The following BMPR1B variants were observed in gnomAD, a reference collection of about 807,000 sequenced individuals.
The protein encoded by BMPR1B is bone morphogenetic protein receptor type 1B, also known as bone morphogenetic protein receptor type-1B.
BMPR1B carries 12 observed loss-of-function variants against 59.1 expected under a neutral mutation model. The observed-to-expected ratio is 0.20, with a 90% CI of 0.13 to 0.33. The LOEUF (loss-of-function observed/expected upper bound fraction) is 0.33, where lower values mean the gene tolerates loss of function less well. Ranked by LOEUF, BMPR1B falls within the 10% of genes least tolerant of loss-of-function variation. The probability of loss-of-function intolerance (pLI) is 1.00; values close to 1 mark genes in which losing one functional copy is unlikely to be tolerated. For missense variants in BMPR1B, 550 were observed against 610.9 expected, an observed-to-expected ratio of 0.90 and a Z score of 1.05; for synonymous variants, 237 against 207.3, an observed-to-expected ratio of 1.14 and a Z score of -1.23.
At position 95,156,627 on chromosome 4, in the gene BMPR1B, C is replaced by T. The variant is rs1735441482; in HGVS notation, c.*1954C>T. ...AGCTGCATTTTGTTTGTAACTAAGA[C>T]AGAAGAATTTCGTAATCCTTGAAAT... On this transcript the variant is annotated 3_prime_UTR_variant, in exon 13 of 13. Coordinates refer to ENST00000515059, the MANE Select transcript of BMPR1B (RefSeq NM_001203.3). The T allele has an allele frequency of 6.7e-6, 1 of 149,558 alleles. No individual in the cohort carries two copies. Among genetic ancestry groups the T allele is most frequent in the Non-Finnish European group, 1.5e-5 (1 of 67,450 alleles). 9.3% of individuals were successfully genotyped at this position (149,558 alleles called of 1,614,324 possible). A position where few individuals can be genotyped will look rare whatever the true frequency, so the allele number is the denominator to read the frequency against.
At chr4:94,970,254 CTCT>C (rs1730722590) in intron 2 of BMPR1B, among the ~76,000 whole-genome samples, 1 of 89,372 alleles carries the variant, frequency 1.1e-5, no homozygotes, top group East Asian at 3.2e-4. Flanking sequence ...CTCTTCTCTT[CTCT>C]TCTCTTCTCT....
At chr4:94,916,321 G>C (rs954621287) in intron 2 of BMPR1B, among the ~76,000 whole-genome samples, 1 of 152,200 alleles carries the variant, frequency 6.6e-6, no homozygotes, top group Non-Finnish European at 1.5e-5. Context: ...ATTTCTTAGA[G>C]ATTAGTTAAA....
intron 1 of BMPR1B, among the ~76,000 whole-genome samples, chr4:94,848,571 C>T (rs1430449859): frequency 6.6e-6 from 1 of 152,054 alleles, no homozygotes; most frequent in Non-Finnish European, 1.5e-5. Context: ...GCACCAAGAT[C>T]ATGATTGGTC....
chr4:95,051,659 G>A (rs965140408), intron 3 of BMPR1B: 61 of 1,527,510 alleles, frequency 4.0e-5, no homozygotes, highest in Non-Finnish European at 4.9e-5. Context: ...AGAAACAGGA[G>A]GCTTAAACAG....
Position 94,962,066 on chromosome 4 carries a change from CT to C in BMPR1B, c.-112-33970del, listed in dbSNP as rs1309445353. On this transcript the variant is annotated intron_variant, in intron 2 of 12. Coordinates refer to ENST00000515059, the MANE Select transcript of BMPR1B (RefSeq NM_001203.3). ...TATTCTTTCTTTCTTTCTTTTCTTT[CT>C]TTTCTTTCCTTCCTTCCTTCCTTCC... Among the ~76,000 whole-genome samples the C allele has an allele frequency of 8.7e-3, 1,217 of 139,174 alleles. 18 individuals are homozygous for C. Among genetic ancestry groups the C allele is most frequent in the African/African-American group, 0.033 (1,122 of 34,516 alleles). The allele number at this position is 139,174 out of a possible 152,430, so 91.3% of individuals were successfully genotyped here.
At chr4:95,022,627 T>G (rs1330154382) in intron 3 of BMPR1B, among the ~76,000 whole-genome samples, 1 of 152,150 alleles carries the variant, frequency 6.6e-6, no homozygotes, top group Non-Finnish European at 1.5e-5. Flanking sequence ...AGCTTTAATG[T>G]TATGTTCTAC....
intron 2 of BMPR1B, among the ~76,000 whole-genome samples, chr4:94,938,645 G>T: frequency 6.6e-6 from 1 of 152,142 alleles, no homozygotes; most frequent in Non-Finnish European, 1.5e-5. Context: ...GCTTTGGATT[G>T]TCAGACCACA....
At chr4:95,063,758 A>G (rs954158658) in intron 3 of BMPR1B, among the ~76,000 whole-genome samples, 3 of 152,186 alleles carry the variant, frequency 2.0e-5, no homozygotes, top group Admixed American at 6.6e-5. Context: ...GCTGTATGAC[A>G]TATAACTGGA....
chr4:94,920,237 A>G (rs906213604), intron 2 of BMPR1B, among the ~76,000 whole-genome samples: 8 of 152,212 alleles, frequency 5.3e-5, no homozygotes, highest in African/African-American at 1.9e-4. Context: ...ATATGCAAGG[A>G]AATCTCTCTT....
intron 3 of BMPR1B, among the ~76,000 whole-genome samples, chr4:95,035,356 G>A (rs1243258814): frequency 6.6e-6 from 1 of 152,108 alleles, no homozygotes; most frequent in African/African-American, 2.4e-5. Context: ...CTTTGCCTAA[G>A]CCAATGTCTA....
intron 1 of BMPR1B, among the ~76,000 whole-genome samples, chr4:94,820,771 T>A (rs1364418097): frequency 6.6e-6 from 1 of 152,212 alleles, no homozygotes; most frequent in Non-Finnish European, 1.5e-5. Context: ...ACTAAAAACT[T>A]CATGAATTAG....
At chr4:95,016,099 A>G (rs944605502) in intron 3 of BMPR1B, among the ~76,000 whole-genome samples, 1 of 122,248 alleles carries the variant, frequency 8.2e-6, no homozygotes, top group African/African-American at 2.7e-5. Flanking sequence ...TATTACTTCA[A>G]GGCAGATAAT....
At chr4:94,961,247 T>C (rs1427155273) in intron 2 of BMPR1B, among the ~76,000 whole-genome samples, 1 of 152,160 alleles carries the variant, frequency 6.6e-6, no homozygotes, top group East Asian at 1.9e-4. Context: ...CCACCTATTA[T>C]ATATACAGGA....
At chr4:95,120,653 T>TTCCTTCCTTCCTTCCTTCCTTCCTTC (rs1400928246) in intron 6 of BMPR1B, among the ~76,000 whole-genome samples, 1 of 116,500 alleles carries the variant, frequency 8.6e-6, no homozygotes, top group African/African-American at 3.0e-5. Flanking sequence ...TTCCTTCCTT[T>TTCCTTCCTTCCTTCCTTCCTTCCTTC]CCTTCCTTCC....
intron 2 of BMPR1B, among the ~76,000 whole-genome samples, chr4:94,926,061 C>T (rs367895486): frequency 3.3e-5 from 3 of 89,736 alleles, no homozygotes; most frequent in Non-Finnish European, 6.8e-5. Context: ...CTCCCTCCCC[C>T]CCAATCCCTC....
At chr4:94,826,316 A>T (rs1724379894) in intron 1 of BMPR1B, among the ~76,000 whole-genome samples, 1 of 152,178 alleles carries the variant, frequency 6.6e-6, no homozygotes, top group African/African-American at 2.4e-5. Flanking sequence ...TGCAGATGTT[A>T]TTTCTCTGTC....
At chr4:94,989,593 G>C (rs1054682381) in intron 2 of BMPR1B, among the ~76,000 whole-genome samples, 11 of 152,070 alleles carry the variant, frequency 7.2e-5, no homozygotes, top group African/African-American at 2.7e-4. Flanking sequence ...CAGAGAATTA[G>C]CACATTTTCT....
intron 2 of BMPR1B, among the ~76,000 whole-genome samples, chr4:94,903,740 A>G (rs1035341497): frequency 6.6e-6 from 1 of 151,960 alleles, no homozygotes; most frequent in Admixed American, 6.6e-5. Context: ...TTAATCCGGT[A>G]TGACTGGTGT....
chr4:95,048,237 A>G lies in BMPR1B; in HGVS notation c.-18+52103A>G, dbSNP rs564478677. ...TGATTTCATATCTTTTCTACTGTCA[A>G]TAGTGCTGCGATGAACATATAAGTG... On this transcript the variant is annotated intron_variant, in intron 3 of 12. Transcript: ENST00000515059. Among the ~76,000 whole-genome samples, 296 of 152,204 alleles carry G rather than the reference A, an allele frequency of 1.9e-3. 1 individual carries two copies. The highest frequency in any genetic ancestry group is 0.01 in the Middle Eastern group (3 of 294).
Sources: gnomAD v4.1 joint callset for allele counts (sites outside exome capture counted in the v4.1 genomes callset) on GRCh38, gnomAD v4.1.1 for gene constraint, MANE v1.5 for transcripts, NCBI Gene and HGNC (gene_info 2026-07-23, HGNC 2026-07-21) for gene names.